Variants in OSBPL6 observed in about 807,000 individuals in gnomAD.
OSBPL6 encodes the protein oxysterol binding protein like 6, also known as oxysterol-binding protein-related protein 6.
A neutral mutation model predicts 125.8 loss-of-function variants in OSBPL6; 49 were observed. The observed-to-expected ratio is 0.39, with a 90% CI of 0.31 to 0.49. The LOEUF is 0.49. Ranked by LOEUF, OSBPL6 falls within the 20% of genes least tolerant of loss-of-function variation. The pLI, the probability that OSBPL6 is intolerant of heterozygous loss-of-function variation, is 0.88. For synonymous variants in OSBPL6, 394 were observed against 391.8 expected (o/e 1.01, Z -0.07); for missense variants, 986 against 1,135.4 (o/e 0.87, Z 1.89).
chr2:178,204,119 G>T (rs2089409765), intron 1 of OSBPL6, among the ~76,000 whole-genome samples: 1 of 151,550 alleles, frequency 6.6e-6, no homozygotes, highest in Non-Finnish European at 1.5e-5. Flanking sequence ...CGCCTGCTGG[G>T]TTCAAGCGTT....
chr2:178,251,360 C>CTT (rs761646626), intron 1 of OSBPL6, among the ~76,000 whole-genome samples: 7 of 141,044 alleles, frequency 5.0e-5, no homozygotes, highest in Non-Finnish European at 9.3e-5. Flanking sequence ...TACTATGGTT[C>CTT]TTTTTTTTTT....
chr2:178,300,335 A>G (rs1337176397), intron 2 of OSBPL6, among the ~76,000 whole-genome samples: 1 of 152,166 alleles, frequency 6.6e-6, no homozygotes, highest in East Asian at 1.9e-4. Flanking sequence ...TTTGCTTGGG[A>G]CTGTGGACAC....
intron 1 of OSBPL6, among the ~76,000 whole-genome samples, chr2:178,272,394 T>A (rs1294957237): frequency 6.6e-6 from 1 of 152,208 alleles, no homozygotes; most frequent in Non-Finnish European, 1.5e-5. Flanking sequence ...TTAGAGATGA[T>A]GATTGAAATG....
intron 1 of OSBPL6, among the ~76,000 whole-genome samples, chr2:178,195,453 G>A (rs994257497): frequency 2.0e-5 from 3 of 152,238 alleles, no homozygotes; most frequent in Non-Finnish European, 4.4e-5. Context: ...GAGACCTGAG[G>A]AGAAAGCCTG....
intron 1 of OSBPL6, among the ~76,000 whole-genome samples, chr2:178,282,377 A>C (rs985064218): frequency 2.6e-5 from 4 of 152,162 alleles, no homozygotes; most frequent in Non-Finnish European, 4.4e-5. Flanking sequence ...AGTGGAGGAA[A>C]CAGCGGGAAG....
At chr2:178,207,375 A>G (rs1410057989) in intron 1 of OSBPL6, among the ~76,000 whole-genome samples, 1 of 152,142 alleles carries the variant, frequency 6.6e-6, no homozygotes, top group Non-Finnish European at 1.5e-5. Context: ...ACAAGGATAC[A>G]TGTAATTGTA....
intron 1 of OSBPL6, among the ~76,000 whole-genome samples, chr2:178,220,494 CAG>C (rs1207741760): frequency 6.6e-6 from 1 of 152,032 alleles, no homozygotes; most frequent in Non-Finnish European, 1.5e-5. Context: ...TTTGTAGACA[CAG>C]AGTCTCGCCA....
At chr2:178,324,948 C>G (rs1248792211) in intron 4 of OSBPL6, among the ~76,000 whole-genome samples, 1 of 152,180 alleles carries the variant, frequency 6.6e-6, no homozygotes, top group Non-Finnish European at 1.5e-5. Context: ...CTTCTAGGCT[C>G]CTTCTCACAT....
intron 22 of OSBPL6, 135 bp from the exon 23 acceptor site, chr2:178,392,277 T>C: frequency 9.3e-7 from 1 of 1,071,904 alleles, no homozygotes; most frequent in South Asian, 1.8e-5. Context: ...TTTAATTCAC[T>C]TGAAAAAATC....
chr2:178,275,027 A>G (rs1310926162), intron 1 of OSBPL6, among the ~76,000 whole-genome samples: 1 of 152,232 alleles, frequency 6.6e-6, no homozygotes, highest in Non-Finnish European at 1.5e-5. Flanking sequence ...GAGCAACAGG[A>G]TAACATGATC....
intron 12 of OSBPL6, among the ~76,000 whole-genome samples, chr2:178,361,424 C>T (rs1428863293): frequency 6.6e-6 from 1 of 152,152 alleles, no homozygotes; most frequent in Non-Finnish European, 1.5e-5. Context: ...TGATATTTTA[C>T]ATGCTACTTC....
At chr2:178,244,863 T>C (rs563780240) in intron 1 of OSBPL6, among the ~76,000 whole-genome samples, 1 of 152,330 alleles carries the variant, frequency 6.6e-6, no homozygotes, top group East Asian at 1.9e-4. Flanking sequence ...GCTTTGGTAA[T>C]GGGAAAAATA....
chr2:178,285,260 A>T (rs1684584546), intron 2 of OSBPL6, 139 bp downstream of exon 2: 2 of 392,030 alleles, frequency 5.1e-6, no homozygotes, highest in South Asian at 2.9e-4. Context: ...GTCAGATCTT[A>T]AAATAATATG....
At chr2:178,380,741 A>G (rs1000874930) in intron 15 of OSBPL6, among the ~76,000 whole-genome samples, 3 of 152,202 alleles carry the variant, frequency 2.0e-5, no homozygotes, top group Non-Finnish European at 2.9e-5. Flanking sequence ...AGTATTGTCT[A>G]TAATAATAAA....
intron 1 of OSBPL6, among the ~76,000 whole-genome samples, chr2:178,265,540 T>C (rs1372195513): frequency 6.6e-6 from 1 of 152,080 alleles, no homozygotes; most frequent in Non-Finnish European, 1.5e-5. Flanking sequence ...CATGCTGTTT[T>C]CCAAGTTTCA....
chr2:178,243,633 T>C (rs2091377229), intron 1 of OSBPL6, among the ~76,000 whole-genome samples: 1 of 152,158 alleles, frequency 6.6e-6, no homozygotes, highest in African/African-American at 2.4e-5. Flanking sequence ...CTCATTCTCC[T>C]CCATTCATTC....
chr2:178,218,766 A>G (rs1180721242), intron 1 of OSBPL6, among the ~76,000 whole-genome samples: 1 of 151,706 alleles, frequency 6.6e-6, no homozygotes, highest in Admixed American at 6.6e-5. Context: ...AATAGCTGGG[A>G]ATACAGGTGT....
chr2:178,344,241 T>A (rs747246389), intron 11 of OSBPL6: 4 of 1,501,010 alleles, frequency 2.7e-6, no homozygotes, highest in Non-Finnish European at 1.9e-6. Flanking sequence ...CATCCTTTCC[T>A]CCCCCGTCCT....
chr2:178,325,514 G>A (rs1448278444), intron 4 of OSBPL6, among the ~76,000 whole-genome samples: 1 of 152,184 alleles, frequency 6.6e-6, no homozygotes, highest in Non-Finnish European at 1.5e-5. Flanking sequence ...AGCGAGTACA[G>A]ACTGTATACC....
Sources: gnomAD v4.1 joint callset for allele counts (sites outside exome capture counted in the v4.1 genomes callset) on GRCh38, gnomAD v4.1.1 for gene constraint, MANE v1.5 for transcripts, NCBI Gene and HGNC (gene_info 2026-07-23, HGNC 2026-07-21) for gene names.